The following MAPT variants were observed in gnomAD, a reference collection of about 807,000 sequenced individuals.
MAPT encodes microtubule-associated protein tau.
MAPT carries 34 observed loss-of-function variants against 67.9 expected under a neutral mutation model. That is an observed-to-expected ratio of 0.50 (90% CI 0.38 to 0.67). The LOEUF is 0.67. Among genes scored for constraint, MAPT ranks in the 30% least tolerant of loss-of-function variants. The pLI is 0.00. For synonymous variants in MAPT, 456 were observed against 464.5 expected (o/e 0.98, Z 0.23); for missense variants, 881 against 1,115.2 (o/e 0.79, Z 2.99).
intron 1 of MAPT, among the ~76,000 whole-genome samples, chr17:45,957,751 G>A (rs1055108954): frequency 2.0e-5 from 3 of 152,146 alleles, no homozygotes; most frequent in Admixed American, 6.5e-5. Context: ...AACATACTGT[G>A]CTCTTGGGTG....
intron 1 of MAPT, among the ~76,000 whole-genome samples, chr17:45,935,527 G>C (rs2067242617): frequency 6.6e-6 from 1 of 152,100 alleles, no homozygotes; most frequent in Non-Finnish European, 1.5e-5. Flanking sequence ...ACCATCACCA[G>C]AGCCAAAACT....
chr17:46,001,338 A>G (rs1025575930), intron 9 of MAPT, among the ~76,000 whole-genome samples: 2 of 152,258 alleles, frequency 1.3e-5, no homozygotes, highest in African/African-American at 2.4e-5. Flanking sequence ...ACTGCAGCAT[A>G]TAAATTAGGT....
intron 8 of MAPT, 48 bp downstream of exon 8, chr17:45,991,634 A>G (rs2074063988): frequency 6.2e-7 from 1 of 1,613,720 alleles, no homozygotes; most frequent in African/African-American, 1.3e-5. Flanking sequence ...AAGCTCTCAG[A>G]GGTACAGCCT....
chr17:45,990,098 G>A, intron 7 of MAPT, 23 bp downstream of exon 7: 1 of 1,608,964 alleles, frequency 6.2e-7, no homozygotes, highest in Non-Finnish European at 8.5e-7. Flanking sequence ...CCTTTGAAAA[G>A]AACCAGGCTG....
At chr17:45,914,277 G>C (rs9913462) in intron 1 of MAPT, among the ~76,000 whole-genome samples, 19,011 of 120,940 alleles carry the variant, frequency 0.16, 1,303 homozygotes, top group Middle Eastern at 0.22. Flanking sequence ...GCAGAGGGCG[G>C]CTGATCTGTC....
chr17:45,938,081 T>C (rs1248750393), intron 1 of MAPT, among the ~76,000 whole-genome samples: 1 of 152,232 alleles, frequency 6.6e-6, no homozygotes, highest in Non-Finnish European at 1.5e-5. Flanking sequence ...TCCACATTAA[T>C]GAAATCAACT....
Position 45,962,466 on chromosome 17 carries a change from G to C in MAPT, c.129G>C (p.Leu43=). The C allele has an allele frequency of 6.2e-7, 1 of 1,612,568 alleles. No individual in the cohort carries two copies. Among genetic ancestry groups the C allele is most frequent in the Non-Finnish European group, 8.5e-7 (1 of 1,179,852 alleles). ...QDQEGDTDAG[L]KESPLQTPTE... is the part of the protein sequence containing the mutation. Reference sequence around the variant, plus strand: ...AAGAGGGTGACACGGACGCTGGCCTGAAAGGTTAGTGGACAGCCATGCACA... The same window carrying C: ...AAGAGGGTGACACGGACGCTGGCCTCAAAGGTTAGTGGACAGCCATGCACA... The change falls in exon 2 of 13, where the codon CTG becomes CTC. Residue 43 remains leucine (L), a synonymous_variant. Transcript: ENST00000262410.
At chr17:45,924,068 A>C (rs1267247624) in intron 1 of MAPT, among the ~76,000 whole-genome samples, 1 of 152,176 alleles carries the variant, frequency 6.6e-6, no homozygotes, top group East Asian at 1.9e-4. Flanking sequence ...CAAGCCCTTC[A>C]TTTCACAACC....
At chr17:45,916,963 G>A (rs551689718) in intron 1 of MAPT, among the ~76,000 whole-genome samples, 4 of 152,282 alleles carry the variant, frequency 2.6e-5, no homozygotes, top group Non-Finnish European at 4.4e-5. Context: ...AGACTCACCC[G>A]GCCAGAGGTG....
chr17:45,918,917 C>T (rs1442771561), intron 1 of MAPT, among the ~76,000 whole-genome samples: 1 of 151,910 alleles, frequency 6.6e-6, no homozygotes, highest in Non-Finnish European at 1.5e-5. Context: ...CAAAAATTAG[C>T]TGGCCATGGT....
In MAPT at chr17:46,014,392, G is replaced by A. The variant is rs1368250997; in HGVS notation, c.2173+68G>A. The A allele has an allele frequency of 1.3e-5, 14 of 1,089,840 alleles. No individual in the cohort carries two copies. In the Admixed American group the frequency reaches 2.4e-4, roughly 19 times the overall value. The allele number at this position is 1,089,840 out of a possible 1,614,324, so 67.5% of individuals were successfully genotyped here. A position where few individuals can be genotyped will look rare whatever the true frequency, so the allele number is the denominator to read the frequency against. On this transcript the variant is annotated intron_variant, in intron 11 of 12. Coordinates refer to ENST00000262410, the MANE Select transcript of MAPT (RefSeq NM_001377265.1). ...GGGTGGAGGAGTCCTGGTGAGGCTG[G>A]AACTGCTCCAGACTTCAGAAGGGGC...
intron 9 of MAPT, among the ~76,000 whole-genome samples, chr17:46,003,137 T>G (rs2145921231): frequency 6.6e-6 from 1 of 151,496 alleles, no homozygotes; most frequent in African/African-American, 2.4e-5. Flanking sequence ...CACTCTCGTC[T>G]TCACCTTCCC....
intron 10 of MAPT, among the ~76,000 whole-genome samples, chr17:46,013,716 T>TA (rs1245290680): frequency 6.6e-6 from 1 of 152,136 alleles, no homozygotes; most frequent in Non-Finnish European, 1.5e-5. Flanking sequence ...TTTCCTGGAA[T>TA]AAAGCCCACG....
intron 1 of MAPT, among the ~76,000 whole-genome samples, chr17:45,930,217 T>C (rs1374763605): frequency 1.3e-5 from 2 of 152,136 alleles, no homozygotes; most frequent in African/African-American, 4.8e-5. Flanking sequence ...CTGGCCAACA[T>C]GGTGAAACCT....
chr17:45,940,826 A>G (rs2067785736), intron 1 of MAPT, among the ~76,000 whole-genome samples: 1 of 152,188 alleles, frequency 6.6e-6, no homozygotes, highest in Admixed American at 6.5e-5. Context: ...GCTCCCTGTC[A>G]TTGGAAGGAT....
rs72430786 is a variant in MAPT at position 45,953,003 on chromosome 17, T to TATGATGATGATG, written c.-17-9298_-17-9287dup. Among the ~76,000 whole-genome samples, 1,053 of 149,508 alleles carry TATGATGATGATG rather than the reference T, an allele frequency of 7.0e-3. 11 individuals carry two copies. The highest frequency in any genetic ancestry group is 0.014 in the African/African-American group (572 of 40,566). ...CCAGACTCCTGGGAATCATAACACC[T>TATGATGATGATG]ATGATGATGATGATGATGATGATGA... On this transcript the variant is annotated intron_variant, in intron 1 of 12. Transcript: ENST00000262410.
Position 45,983,500 on chromosome 17 carries a change from C to G in MAPT, c.921C>G (p.Ser307=), listed in dbSNP as rs147885393. 2.8e-5 allele frequency: 45 copies of G among 1,612,220 alleles called. No individual in the cohort carries two copies. In the African/African-American group the frequency reaches 5.6e-4, roughly 20 times the overall value. The change falls in exon 5 of 13, where the codon TCC becomes TCG. Residue 307 remains serine (S), a synonymous_variant. Coordinates refer to ENST00000262410, the MANE Select transcript of MAPT (RefSeq NM_001377265.1). ...RDVDESSPQD[S]PPSKASPAQD... is the part of the protein sequence containing the mutation. The stretch of plus-strand genomic sequence containing the variant: ...TCGATGAGTCCTCCCCCCAAGACTC[C>G]CCTCCCTCCAAGGCCTCCCCAGCCC...
intron 2 of MAPT, among the ~76,000 whole-genome samples, chr17:45,967,926 G>C (rs1239666841): frequency 6.6e-6 from 1 of 151,986 alleles, no homozygotes; most frequent in Non-Finnish European, 1.5e-5. Flanking sequence ...ACCCTGGCCA[G>C]TTCCTCCCAC....
chr17:45,936,753 G>A (rs906987021), intron 1 of MAPT, among the ~76,000 whole-genome samples: 6 of 152,224 alleles, frequency 3.9e-5, no homozygotes, highest in African/African-American at 1.4e-4. Context: ...CTTTGAGCAG[G>A]CAGAGGCCTT....
Sources: allele counts gnomAD v4.1 joint callset (sites outside exome capture counted in the v4.1 genomes callset), GRCh38; gene constraint gnomAD v4.1.1; transcripts MANE v1.5; gene names NCBI Gene and HGNC (gene_info 2026-07-23, HGNC 2026-07-21).